Variants in UTS2 observed in about 807,000 individuals in gnomAD.
The protein encoded by UTS2 is urotensin-2.
A neutral mutation model predicts 12.6 loss-of-function variants in UTS2; 10 were observed. The ratio of observed to expected loss-of-function variants is 0.80; its 90% confidence interval spans 0.49 to 1.35. The LOEUF (loss-of-function observed/expected upper bound fraction) is 1.35, where lower values mean the gene tolerates loss of function less well. Among genes scored for constraint, UTS2 ranks in the 40% most tolerant of loss-of-function variants. The pLI is 0.00. For synonymous variants in UTS2, 52 were observed against 50.0 expected (o/e 1.04, Z -0.17); for missense variants, 142 against 143.2 (o/e 0.99, Z 0.04).
At chr1:7,863,106 TTGTATTGTATTGTATTG>T in the UTS2 span, among the ~76,000 whole-genome samples, 1 of 135,224 alleles carries the variant, frequency 7.4e-6, no homozygotes, top group Non-Finnish European at 1.6e-5. Context: ...TTGTATTGTA[TTGTATTGTATTGTATTG>T]TATTTGAGAC....
the UTS2 span, among the ~76,000 whole-genome samples, chr1:7,871,532 C>T: frequency 6.6e-6 from 1 of 152,026 alleles, no homozygotes. Flanking sequence ...CAGCAGCATA[C>T]CTTGTTTTAT....
At chr1:7,878,146 T>C in the UTS2 span, among the ~76,000 whole-genome samples, 1 of 152,190 alleles carries the variant, frequency 6.6e-6, no homozygotes, top group Non-Finnish European at 1.5e-5. Context: ...TGCTGAAAGA[T>C]AATAAAACTG....
the UTS2 span, among the ~76,000 whole-genome samples, chr1:7,910,549 C>T: frequency 6.6e-6 from 1 of 152,140 alleles, no homozygotes; most frequent in African/African-American, 2.4e-5. Flanking sequence ...TAAAAATTGA[C>T]GTCTGTATCT....
the UTS2 span, among the ~76,000 whole-genome samples, chr1:7,889,454 A>G: frequency 6.7e-6 from 1 of 149,838 alleles, no homozygotes; most frequent in South Asian, 2.1e-4. Context: ...AAAAAAAAAA[A>G]AAAAAAAAAG....
At chr1:7,890,964 T>TCCCCCCCC in the UTS2 span, among the ~76,000 whole-genome samples, 4 of 82,914 alleles carry the variant, frequency 4.8e-5, no homozygotes, top group South Asian at 3.5e-4. Context: ...TGTGATACCC[T>TCCCCCCCC]CCACCCCCCC....
In UTS2 at chr1:7,847,747, A is replaced by G. The variant is rs1194900271; in HGVS notation, c.*19T>C. 8 of 1,550,448 alleles carry G rather than the reference A, an allele frequency of 5.2e-6. No individual in the cohort carries two copies. The East Asian group carries it at 1.3e-4, about 26-fold the overall frequency. The stretch of plus-strand genomic sequence containing the variant: ...TAAGATGGGTGTTTCTGAGCTGACT[A>G]ACAGATGCTTATTTCACTTCAGACA... On this transcript the variant is annotated 3_prime_UTR_variant, in exon 4 of 4. Coordinates refer to ENST00000361696, the MANE Select transcript of UTS2 (RefSeq NM_006786.4).
At chr1:7,887,647 T>C in the UTS2 span, among the ~76,000 whole-genome samples, 1 of 146,398 alleles carries the variant, frequency 6.8e-6, no homozygotes, top group African/African-American at 2.6e-5. Context: ...ATGAATGTAG[T>C]CCCAGCTACT....
chr1:7,891,991 G>A, the UTS2 span, among the ~76,000 whole-genome samples: 1 of 152,116 alleles, frequency 6.6e-6, no homozygotes, highest in Non-Finnish European at 1.5e-5. Context: ...GTATACACAC[G>A]TGCCAGCCCT....
chr1:7,860,460 GGGCA>G, the UTS2 span, among the ~76,000 whole-genome samples: 4 of 152,168 alleles, frequency 2.6e-5, no homozygotes, highest in Non-Finnish European at 4.4e-5. Context: ...AGATGCAGAA[GGGCA>G]GGTCACACAG....
the UTS2 span, among the ~76,000 whole-genome samples, chr1:7,861,667 G>A: frequency 6.6e-6 from 1 of 152,140 alleles, no homozygotes; most frequent in Non-Finnish European, 1.5e-5. Flanking sequence ...CCTGGCCCCA[G>A]GTAGCCAGGC....
the UTS2 span, among the ~76,000 whole-genome samples, chr1:7,902,872 G>T: frequency 6.6e-6 from 1 of 152,158 alleles, no homozygotes; most frequent in Non-Finnish European, 1.5e-5. Context: ...AGAATGCGGG[G>T]TTCCTTCCGC....
chr1:7,887,224 T>C, the UTS2 span, among the ~76,000 whole-genome samples: 1 of 151,830 alleles, frequency 6.6e-6, no homozygotes, highest in Non-Finnish European at 1.5e-5. Context: ...AGAGGTTCCA[T>C]GATGGCATTA....
intron 1 of UTS2, among the ~76,000 whole-genome samples, chr1:7,851,243 T>G (rs528285710): frequency 2.6e-5 from 4 of 152,350 alleles, no homozygotes; most frequent in African/African-American, 7.2e-5. Context: ...AGTCTGACTC[T>G]CCCTCATTTC....
chr1:7,902,705 G>A, the UTS2 span, among the ~76,000 whole-genome samples: 5 of 152,116 alleles, frequency 3.3e-5, no homozygotes, highest in Admixed American at 3.3e-4. Flanking sequence ...GAAGAAGTGA[G>A]CCAGCTTCCC....
At chr1:7,868,006 T>C in the UTS2 span, among the ~76,000 whole-genome samples, 5 of 152,096 alleles carry the variant, frequency 3.3e-5, no homozygotes, top group East Asian at 9.6e-4. Context: ...ATGTATTAAA[T>C]CAGACAAAGA....
chr1:7,857,590 C>A (rs1464716281), upstream of UTS2, among the ~76,000 whole-genome samples: 1 of 151,918 alleles, frequency 6.6e-6, no homozygotes, highest in Non-Finnish European at 1.5e-5. Context: ...TGGTGGCTCC[C>A]ACCTGTAATC....
upstream of UTS2, among the ~76,000 whole-genome samples, chr1:7,858,445 G>A (rs1406272593): frequency 2.0e-5 from 3 of 152,148 alleles, no homozygotes; most frequent in Non-Finnish European, 1.5e-5. Context: ...CTTTGTCTAT[G>A]GAGCACTCCC....
the UTS2 span, among the ~76,000 whole-genome samples, chr1:7,900,151 C>T: frequency 6.7e-6 from 1 of 149,454 alleles, no homozygotes; most frequent in Non-Finnish European, 1.5e-5. Context: ...AATTCCAGCA[C>T]TTTGGGAGGC....
the UTS2 span, among the ~76,000 whole-genome samples, chr1:7,908,954 G>A: frequency 0.29 from 44,659 of 151,686 alleles, 7,782 homozygotes; most frequent in South Asian, 0.45. Context: ...CTACAGGTGC[G>A]TGCCACCACA....
Sources: allele counts gnomAD v4.1 joint callset (sites outside exome capture counted in the v4.1 genomes callset), GRCh38; gene constraint gnomAD v4.1.1; transcripts MANE v1.5; gene names NCBI Gene and HGNC (gene_info 2026-07-23, HGNC 2026-07-21).